Variants in PLCL1 observed in about 807,000 individuals in gnomAD.
PLCL1 encodes inactive phospholipase C-like protein 1.
PLCL1 carries 41 observed loss-of-function variants against 84.4 expected under a neutral mutation model. The observed-to-expected ratio is 0.49, with a 90% CI of 0.38 to 0.63. The LOEUF (loss-of-function observed/expected upper bound fraction) is 0.63. PLCL1 is among the 30% of genes least tolerant of loss of function. PLCL1 has a pLI of 0.00. For missense variants in PLCL1, 1,206 were observed against 1,367.8 expected, an observed-to-expected ratio of 0.88 and a Z score of 1.87; for synonymous variants, 490 against 488.3, an observed-to-expected ratio of 1.00 and a Z score of -0.05.
intron 3 of PLCL1, among the ~76,000 whole-genome samples, chr2:198,092,248 T>G (rs1188265613): frequency 6.6e-6 from 1 of 150,614 alleles, no homozygotes; most frequent in Admixed American, 6.6e-5. Flanking sequence ...CCTACCTGCC[T>G]CTCCAGCTTC....
At chr2:198,039,115 A>T (rs1691605613) in intron 1 of PLCL1, among the ~76,000 whole-genome samples, 1 of 152,092 alleles carries the variant, frequency 6.6e-6, no homozygotes, top group South Asian at 2.1e-4. Flanking sequence ...TGGAGGGTAA[A>T]CATGTCAGGA....
At chr2:198,063,111 A>T (rs1692241682) in intron 1 of PLCL1, among the ~76,000 whole-genome samples, 1 of 150,932 alleles carries the variant, frequency 6.6e-6, no homozygotes, top group African/African-American at 2.5e-5. Flanking sequence ...ATAGCTGGAA[A>T]TTTTTTAGTA....
chr2:198,008,671 C>T (rs1690791647), intron 1 of PLCL1, among the ~76,000 whole-genome samples: 1 of 151,874 alleles, frequency 6.6e-6, no homozygotes, highest in Admixed American at 6.6e-5. Flanking sequence ...AATGGGTGTC[C>T]AAGTATCTCT....
At chr2:198,011,737 A>G (rs142650602) in intron 1 of PLCL1, among the ~76,000 whole-genome samples, 5 of 151,984 alleles carry the variant, frequency 3.3e-5, no homozygotes, top group Non-Finnish European at 7.4e-5. Context: ...ATTGGTGTCT[A>G]TTTCTCTCTC....
At chr2:197,923,894 G>A (rs937695289) in intron 1 of PLCL1, among the ~76,000 whole-genome samples, 5 of 151,504 alleles carry the variant, frequency 3.3e-5, no homozygotes, top group African/African-American at 9.7e-5. Flanking sequence ...ACGAGACTCC[G>A]TCTGCAATCC....
intron 1 of PLCL1, among the ~76,000 whole-genome samples, chr2:198,038,066 T>G (rs181022797): frequency 6.6e-6 from 1 of 152,316 alleles, no homozygotes; most frequent in African/African-American, 2.4e-5. Context: ...GTGAGGTATA[T>G]GTATGCCAAT....
intron 1 of PLCL1, among the ~76,000 whole-genome samples, chr2:197,908,576 A>G (rs1688427569): frequency 6.6e-6 from 1 of 152,238 alleles, no homozygotes; most frequent in Non-Finnish European, 1.5e-5. Flanking sequence ...CATGGCCACC[A>G]GGTCCTCATT....
intron 1 of PLCL1, among the ~76,000 whole-genome samples, chr2:198,025,486 T>A (rs933601720): frequency 3.9e-5 from 6 of 152,046 alleles, no homozygotes; most frequent in African/African-American, 1.4e-4. Flanking sequence ...TTCATTAGGT[T>A]GCACACTGAT....
At position 197,937,314 on chromosome 2, in the gene PLCL1, T is replaced by G. The variant is rs770709771; in HGVS notation, c.240+131975T>G. Reference sequence around the variant, plus strand: ...CTGCTTTTTCTGTGTCTGTGAGAAATGTCATTGAAATTTTGGTGGGGATTG... The same window carrying G: ...CTGCTTTTTCTGTGTCTGTGAGAAAGGTCATTGAAATTTTGGTGGGGATTG... On this transcript the variant is annotated intron_variant, in intron 1 of 5. Coordinates refer to ENST00000428675, the MANE Select transcript of PLCL1 (RefSeq NM_006226.4). 2.7e-3 allele frequency among the ~76,000 whole-genome samples: 408 copies of G among 152,320 alleles called. 3 individuals are homozygous for G. The highest frequency in any genetic ancestry group is 4.3e-3 in the Non-Finnish European group (291 of 68,014).
chr2:197,963,766 T>G (rs1689670077), intron 1 of PLCL1, among the ~76,000 whole-genome samples: 1 of 152,146 alleles, frequency 6.6e-6, no homozygotes, highest in South Asian at 2.1e-4. Context: ...TTTTGTATAT[T>G]GTGAGAGATA....
At chr2:198,041,596 A>C (rs1273032531) in intron 1 of PLCL1, among the ~76,000 whole-genome samples, 1 of 152,238 alleles carries the variant, frequency 6.6e-6, no homozygotes, top group Non-Finnish European at 1.5e-5. Context: ...AAATAAAACC[A>C]AATCAGAGGA....
intron 1 of PLCL1, among the ~76,000 whole-genome samples, chr2:197,836,741 T>TA (rs1691199859): frequency 6.6e-6 from 1 of 152,212 alleles, no homozygotes; most frequent in Non-Finnish European, 1.5e-5. Flanking sequence ...TCTCTTTTTT[T>TA]AGAGATGGGT....
At chr2:197,849,841 G>C (rs1346319031) in intron 1 of PLCL1, among the ~76,000 whole-genome samples, 2 of 152,100 alleles carry the variant, frequency 1.3e-5, no homozygotes, top group Non-Finnish European at 2.9e-5. Flanking sequence ...CTAGCAAGAG[G>C]CAATCTCTCT....
At chr2:198,040,164 G>A (rs1231634501) in intron 1 of PLCL1, among the ~76,000 whole-genome samples, 2 of 152,142 alleles carry the variant, frequency 1.3e-5, no homozygotes, top group African/African-American at 2.4e-5. Flanking sequence ...AAATCATAGA[G>A]CATGCTGATA....
intron 1 of PLCL1, among the ~76,000 whole-genome samples, chr2:197,841,789 A>G (rs533881336): frequency 6.6e-6 from 1 of 152,342 alleles, no homozygotes; most frequent in African/African-American, 2.4e-5. Context: ...AGAAATGTCA[A>G]GGTAACTTCT....
chr2:197,914,863 G>A (rs1688560861), intron 1 of PLCL1, among the ~76,000 whole-genome samples: 1 of 152,178 alleles, frequency 6.6e-6, no homozygotes, highest in African/African-American at 2.4e-5. Context: ...CAATGGAAGG[G>A]CGCACCATTT....
In PLCL1 at chr2:198,085,618, C is replaced by T; in HGVS notation, c.2101C>T (p.Arg701Ter). ...CGYVLRPSIMRDEVSYFSANT... is the reference protein window; with the variant it reads ...CGYVLRPSIM The stretch of plus-strand genomic sequence containing the variant: ...TTATGTTCTAAGGCCGTCTATAATG[C>T]GAGATGAAGTTTCTTACTTCAGCGC... Residue 701 changes from arginine to a stop codon, truncating the protein, a stop_gained, in exon 2 of 6, where the codon CGA becomes TGA. Coordinates refer to ENST00000428675, the MANE Select transcript of PLCL1 (RefSeq NM_006226.4). LOFTEE classifies it high-confidence loss of function. This position sits in a 1 kb window ranked among gnomAD's most constrained non-coding sequence, Gnocchi z 5.3. 6.2e-7 allele frequency: 1 copy of T among 1,613,974 alleles called. No individual in the cohort carries two copies. Among genetic ancestry groups the T allele is most frequent in the Non-Finnish European group, 8.5e-7 (1 of 1,179,920 alleles).
chr2:197,914,331 TA>T (rs1262776556), intron 1 of PLCL1, among the ~76,000 whole-genome samples: 23 of 151,858 alleles, frequency 1.5e-4, no homozygotes, highest in East Asian at 5.8e-4. Context: ...ATTTTTATGT[TA>T]TTTTTTTTTT....
chr2:197,983,200 CTTTTTTTTTTTTTTTTTTTTTTTTTTTT>C lies in PLCL1; in HGVS notation c.241-100546_241-100519del, dbSNP rs760577848. On this transcript the variant is annotated intron_variant, in intron 1 of 5. Coordinates refer to ENST00000428675, the MANE Select transcript of PLCL1 (RefSeq NM_006226.4). ...TTTCTTTTTCTTTTTCTTTTCTTTT[CTTTTTTTTTTTTTTTTTTTTTTTTTTTT>C]TTTTTTTTTTTGAGACAGGGTCTTG... Among the ~76,000 whole-genome samples the C allele has an allele frequency of 2.4e-3, 144 of 60,290 alleles. 4 individuals are homozygous for C. In the South Asian group the frequency reaches 0.049, roughly 20 times the overall value. The allele number at this position is 60,290 out of a possible 152,430, so 39.6% of individuals were successfully genotyped here.
Sources: allele counts gnomAD v4.1 joint callset (sites outside exome capture counted in the v4.1 genomes callset), GRCh38; gene constraint gnomAD v4.1.1; non-coding constraint Gnocchi (gnomAD v3.1); transcripts MANE v1.5; gene names NCBI Gene and HGNC (gene_info 2026-07-23, HGNC 2026-07-21).